Variants in SV2C observed in about 807,000 individuals in gnomAD.
SV2C encodes solute carrier family 22 member B3.
A neutral mutation model predicts 79.7 loss-of-function variants in SV2C; 49 were observed. The ratio of observed to expected loss-of-function variants is 0.61; its 90% confidence interval spans 0.49 to 0.78. SV2C has a LOEUF of 0.78. Ranked by LOEUF, SV2C falls within the 30% of genes least tolerant of loss-of-function variation. SV2C has a pLI of 0.00. For synonymous variants in SV2C, 334 were observed against 333.2 expected, an observed-to-expected ratio of 1.00 and a Z score of -0.03; for missense variants, 833 against 912.9, an observed-to-expected ratio of 0.91 and a Z score of 1.13.
At chr5:75,994,526 G>T in the SV2C span, among the ~76,000 whole-genome samples, 2 of 152,164 alleles carry the variant, frequency 1.3e-5, no homozygotes, top group African/African-American at 2.4e-5. Context: ...TTGCCATAAA[G>T]TGAGGGCATT....
intron 4 of SV2C, among the ~76,000 whole-genome samples, chr5:76,238,006 A>G (rs1378543900): frequency 3.4e-5 from 5 of 147,670 alleles, no homozygotes; most frequent in Non-Finnish European, 6.0e-5. Flanking sequence ...ATACATACAT[A>G]CATATACACA....
chr5:76,324,278 T>C (rs1020166192), intron 12 of SV2C, among the ~76,000 whole-genome samples: 26 of 152,152 alleles, frequency 1.7e-4, no homozygotes, highest in African/African-American at 6.3e-4. Context: ...ATTTTAACTT[T>C]GGAATGAAAT....
At chr5:75,974,364 C>T in the SV2C span, among the ~76,000 whole-genome samples, 1 of 152,114 alleles carries the variant, frequency 6.6e-6, no homozygotes, top group Non-Finnish European at 1.5e-5. Context: ...AGAACACACT[C>T]TTAGAAAGTT....
At chr5:76,087,856 G>A (rs1280878329) in intron 1 of SV2C, among the ~76,000 whole-genome samples, 1 of 152,178 alleles carries the variant, frequency 6.6e-6, no homozygotes, top group African/African-American at 2.4e-5. Flanking sequence ...AACTTCTTTG[G>A]TAAAAGCCAT....
At chr5:76,123,643 T>G (rs114263413) in intron 1 of SV2C, among the ~76,000 whole-genome samples, 1 of 152,176 alleles carries the variant, frequency 6.6e-6, no homozygotes, top group Non-Finnish European at 1.5e-5. Context: ...ATTATCTCAA[T>G]GGATGCAGAA....
chr5:76,206,746 G>A (rs1744620039), intron 3 of SV2C, among the ~76,000 whole-genome samples: 1 of 152,038 alleles, frequency 6.6e-6, no homozygotes, highest in South Asian at 2.1e-4. Flanking sequence ...GGGTTTATGG[G>A]GTGTGAAACA....
the SV2C span, among the ~76,000 whole-genome samples, chr5:76,046,880 G>A: frequency 9.0e-4 from 137 of 152,292 alleles, no homozygotes; most frequent in Non-Finnish European, 1.4e-3. Context: ...AGCTCTGTCC[G>A]TGGCTTCACC....
At chr5:76,186,683 C>A (rs913104246) in intron 2 of SV2C, among the ~76,000 whole-genome samples, 8 of 134,348 alleles carry the variant, frequency 6.0e-5, no homozygotes, top group Non-Finnish European at 1.2e-4. Flanking sequence ...CAAAGTGAGA[C>A]CTTATCTCAA....
At chr5:76,268,029 G>C (rs560853146) in intron 4 of SV2C, among the ~76,000 whole-genome samples, 13 of 152,278 alleles carry the variant, frequency 8.5e-5, no homozygotes, top group Non-Finnish European at 1.5e-4. Context: ...CATTTTCAAC[G>C]ATATCCTCCT....
intron 4 of SV2C, among the ~76,000 whole-genome samples, chr5:76,264,079 T>C (rs766453842): frequency 6.6e-6 from 1 of 152,164 alleles, no homozygotes; most frequent in African/African-American, 2.4e-5. Context: ...CAATCAATTG[T>C]AAGTTTGGTC....
chr5:76,163,377 A>T (rs1742953638), intron 2 of SV2C, among the ~76,000 whole-genome samples: 1 of 152,238 alleles, frequency 6.6e-6, no homozygotes, highest in South Asian at 2.1e-4. Flanking sequence ...TGAACAAATG[A>T]ATGTGTACAT....
the SV2C span, among the ~76,000 whole-genome samples, chr5:75,943,958 C>T: frequency 6.6e-6 from 1 of 152,160 alleles, no homozygotes; most frequent in African/African-American, 2.4e-5. Flanking sequence ...TGTTTTTATA[C>T]ACTAAAAGGT....
At chr5:76,006,923 C>G in the SV2C span, among the ~76,000 whole-genome samples, 1 of 152,170 alleles carries the variant, frequency 6.6e-6, no homozygotes, top group Non-Finnish European at 1.5e-5. Context: ...TGAAGCACTT[C>G]CTGGACTTCG....
chr5:75,937,818 A>G, the SV2C span, among the ~76,000 whole-genome samples: 95 of 151,974 alleles, frequency 6.3e-4, no homozygotes, highest in Non-Finnish European at 1.2e-3. Context: ...TCCCATAACC[A>G]ACTGTAATTC....
the SV2C span, among the ~76,000 whole-genome samples, chr5:76,004,058 A>G: frequency 6.6e-6 from 1 of 152,110 alleles, no homozygotes; most frequent in Non-Finnish European, 1.5e-5. Context: ...CAAGGAAAAA[A>G]AAAAGGTTGA....
In SV2C at chr5:76,171,038, C is replaced by T. The variant is rs867617180; in HGVS notation, c.581-23881C>T. The T allele has an allele frequency of 3.4e-3, 525 of 155,474 alleles. 12 individuals carry two copies. The highest frequency in any genetic ancestry group is 0.02 in the African/African-American group (488 of 23,942). The allele number at this position is 155,474 out of a possible 1,614,324, so 9.6% of individuals were successfully genotyped here. On this transcript the variant is annotated intron_variant, in intron 2 of 12. Coordinates refer to ENST00000502798, the MANE Select transcript of SV2C (RefSeq NM_014979.4). ...GTCTCAGTCTTTGCCGCCGCGCCGG[C>T]GAGCGCCGCCCGGGAGGCAGCGGCT...
At chr5:76,144,875 A>C (rs1749371402) in intron 2 of SV2C, among the ~76,000 whole-genome samples, 1 of 152,054 alleles carries the variant, frequency 6.6e-6, no homozygotes, top group South Asian at 2.1e-4. Flanking sequence ...TAATTAACTT[A>C]AAATATTTGG....
the SV2C span, among the ~76,000 whole-genome samples, chr5:75,884,006 A>C: frequency 6.6e-6 from 1 of 152,164 alleles, no homozygotes; most frequent in South Asian, 2.1e-4. Context: ...AGGTTATGCA[A>C]GAAGTTGCAA....
chr5:76,336,116 C>G (rs1173677025), downstream of SV2C, among the ~76,000 whole-genome samples: 1 of 140,794 alleles, frequency 7.1e-6, no homozygotes, highest in East Asian at 2.0e-4. Context: ...CCCCCCACCT[C>G]CCTCCCGGAC....
Sources: allele counts gnomAD v4.1 joint callset (sites outside exome capture counted in the v4.1 genomes callset), GRCh38; gene constraint gnomAD v4.1.1; transcripts MANE v1.5; gene names NCBI Gene and HGNC (gene_info 2026-07-23, HGNC 2026-07-21).